The following CCNH variants were observed in gnomAD, a reference collection of about 807,000 sequenced individuals.
CCNH encodes the protein cyclin H, also known as cyclin-H.
CCNH carries 31 observed loss-of-function variants against 41.9 expected under a neutral mutation model. The observed-to-expected ratio is 0.74, with a 90% CI of 0.56 to 1.00. The LOEUF (loss-of-function observed/expected upper bound fraction) is 1.00. Among genes scored for constraint, CCNH ranks in the 50% least tolerant of loss-of-function variants. The probability of loss-of-function intolerance (pLI) is 0.00; values close to 1 mark genes in which losing one functional copy is unlikely to be tolerated. For missense variants in CCNH, 362 were observed against 388.4 expected (o/e 0.93, Z 0.57); for synonymous variants, 138 against 136.1 (o/e 1.01, Z -0.10).
chr5:87,389,068 AAG>A (rs1561333004), downstream of CCNH, among the ~76,000 whole-genome samples: 3 of 152,202 alleles, frequency 2.0e-5, no homozygotes, highest in Non-Finnish European at 4.4e-5. Flanking sequence ...ATATTTCAAT[AAG>A]AATCTTTAGA....
At chr5:87,332,938 T>C (rs1319737688) in intron 9 of CCNH, among the ~76,000 whole-genome samples, 1 of 152,168 alleles carries the variant, frequency 6.6e-6, no homozygotes, top group African/African-American at 2.4e-5. Flanking sequence ...GTATTAACCC[T>C]GACTTTGCTG....
At chr5:87,373,431 A>G (rs1336596253), downstream of CCNH, among the ~76,000 whole-genome samples, 1 of 152,070 alleles carries the variant, frequency 6.6e-6, no homozygotes, top group Non-Finnish European at 1.5e-5. Flanking sequence ...AGCTGCCAGG[A>G]CAGAGAGGTG....
intron 7 of CCNH, among the ~76,000 whole-genome samples, chr5:87,395,708 C>T (rs754864023): frequency 2.6e-5 from 4 of 151,988 alleles, no homozygotes; most frequent in Admixed American, 6.6e-5. Flanking sequence ...CTCGTCTCTA[C>T]AAAAAAATTA....
intron 9 of CCNH, among the ~76,000 whole-genome samples, chr5:87,355,857 G>T (rs1034049691): frequency 3.9e-5 from 6 of 152,178 alleles, no homozygotes; most frequent in East Asian, 1.9e-4. Context: ...ACTTTGAGGG[G>T]CTCAAGACTA....
downstream of CCNH, chr5:87,386,964 C>A: frequency 7.2e-7 from 1 of 1,389,206 alleles, no homozygotes; most frequent in East Asian, 2.3e-5. Context: ...CTGAGTTAAC[C>A]CATTTAAGCA....
exon 10 of CCNH, chr5:87,318,890 C>G (rs559836195): frequency 6.6e-6 from 1 of 152,348 alleles, no homozygotes; most frequent in South Asian, 2.1e-4. Context: ...TCCATTCCAC[C>G]TATGAGCCTG....
chr5:87,408,369 C>T (rs1763960496), intron 3 of CCNH, among the ~76,000 whole-genome samples, 183 bp from the exon 4 acceptor site: 1 of 152,150 alleles, frequency 6.6e-6, no homozygotes. Context: ...GTTCACACTT[C>T]ATTAGGAGAC....
At chr5:87,395,897 G>A (rs1241962371) in intron 7 of CCNH, among the ~76,000 whole-genome samples, 1 of 151,764 alleles carries the variant, frequency 6.6e-6, no homozygotes, top group Non-Finnish European at 1.5e-5. Context: ...GTGGGAGCTG[G>A]GGCAAAAATT....
downstream of CCNH, among the ~76,000 whole-genome samples, chr5:87,371,543 A>G (rs937506550): frequency 6.6e-6 from 1 of 152,296 alleles, no homozygotes; most frequent in Non-Finnish European, 1.5e-5. Flanking sequence ...TGATTTGAAT[A>G]TTAGGCTAAA....
downstream of CCNH, chr5:87,374,756 G>A (rs757736832): frequency 2.5e-5 from 39 of 1,557,132 alleles, no homozygotes; most frequent in Admixed American, 3.2e-4. Flanking sequence ...AGAAATAGGG[G>A]GTTTATTTGA....
downstream of CCNH, chr5:87,393,355 T>C (rs1490109626): frequency 6.6e-6 from 1 of 152,094 alleles, no homozygotes; most frequent in South Asian, 2.1e-4. Context: ...GTTCCAATTA[T>C]AATAGTTAAC....
chr5:87,333,192 T>C lies in CCNH; in HGVS notation c.*91-14295A>G, dbSNP rs1239092299. 9 of 1,567,426 alleles carry C rather than the reference T, an allele frequency of 5.7e-6. No homozygotes were observed. The African/African-American group carries it at 1.2e-4, about 22-fold the overall frequency. ...TTCTAATGTGAATTTTTATTGGCTT[T>C]ATGTGGATATACCTCTTTTGACTTT... On this transcript the variant is annotated intron_variant and NMD_transcript_variant, in intron 9 of 9. Transcript: ENST00000645953.
chr5:87,363,709 T>A (rs1206867576), intron 9 of CCNH, among the ~76,000 whole-genome samples: 1 of 152,034 alleles, frequency 6.6e-6, no homozygotes, highest in Admixed American at 6.6e-5. Context: ...ATCTTTGGCA[T>A]GACATTTCCT....
chr5:87,337,265 T>C (rs1168392882), intron 9 of CCNH, among the ~76,000 whole-genome samples: 1 of 152,072 alleles, frequency 6.6e-6, no homozygotes, highest in Non-Finnish European at 1.5e-5. Flanking sequence ...TGAAAACATC[T>C]AGGTTTCAGT....
downstream of CCNH, chr5:87,389,551 A>G (rs1408829503): frequency 6.2e-7 from 1 of 1,611,804 alleles, no homozygotes; most frequent in East Asian, 2.2e-5. Context: ...AGCCTTCATT[A>G]ACAATGATGT....
intron 9 of CCNH, among the ~76,000 whole-genome samples, chr5:87,340,001 T>G (rs1758320903): frequency 6.6e-6 from 1 of 152,190 alleles, no homozygotes; most frequent in African/African-American, 2.4e-5. Flanking sequence ...CTTTCATGTA[T>G]TAACTCTAGA....
intron 9 of CCNH, among the ~76,000 whole-genome samples, chr5:87,366,948 T>G (rs1317701240): frequency 6.6e-6 from 1 of 152,172 alleles, no homozygotes; most frequent in Admixed American, 6.5e-5. Flanking sequence ...ATGAGGATTG[T>G]CTGAGCCCAG....
intron 9 of CCNH, among the ~76,000 whole-genome samples, chr5:87,355,405 A>G (rs1314778936): frequency 6.6e-6 from 1 of 152,162 alleles, no homozygotes; most frequent in African/African-American, 2.4e-5. Context: ...TGTCAATGGA[A>G]CTACAAAGCC....
intron 9 of CCNH, among the ~76,000 whole-genome samples, chr5:87,354,011 A>C (rs144599477): frequency 4.5e-4 from 69 of 152,234 alleles, no homozygotes; most frequent in African/African-American, 1.6e-3. Flanking sequence ...ATAAAGGATT[A>C]TTAAGGGTTT....
Sources: allele counts gnomAD v4.1 joint callset (sites outside exome capture counted in the v4.1 genomes callset), GRCh38; gene constraint gnomAD v4.1.1; transcripts MANE v1.5; gene names NCBI Gene and HGNC (gene_info 2026-07-23, HGNC 2026-07-21).